Variants in AJAP1 observed in about 807,000 individuals in gnomAD.
The protein encoded by AJAP1 is adherens junction-associated protein 1.
In AJAP1, 5 loss-of-function variants were observed where a neutral mutation model predicts 35.0. That is an observed-to-expected ratio of 0.14 (90% CI 0.07 to 0.30). AJAP1 has a LOEUF of 0.30. Ranked by LOEUF, AJAP1 falls within the 10% of genes least tolerant of loss-of-function variation. The pLI is 1.00. For missense variants in AJAP1, 586 were observed against 571.0 expected (o/e 1.03, Z -0.27); for synonymous variants, 284 against 249.3 (o/e 1.14, Z -1.31).
chr1:4,657,940 A>G (rs1308550655), intron 1 of AJAP1, among the ~76,000 whole-genome samples: 1 of 151,864 alleles, frequency 6.6e-6, no homozygotes, highest in African/African-American at 2.4e-5. Context: ...CCATCAGCTG[A>G]GAGAGAGGGA....
intron 2 of AJAP1, among the ~76,000 whole-genome samples, chr1:4,746,443 G>A (rs1363608040): frequency 6.6e-6 from 1 of 152,056 alleles, no homozygotes; most frequent in Admixed American, 6.5e-5. Flanking sequence ...CGTTCAACCC[G>A]CATCGCCCAC....
chr1:4,712,225 A>C lies in AJAP1; in HGVS notation c.355A>C (p.Lys119Gln). Residue 119 changes from lysine (K) to glutamine (Q), a missense_variant, in exon 2 of 6, where the codon AAG becomes CAG. Physicochemically the swap from Lys to Gln is moderately conservative, Grantham distance 53 (BLOSUM62 1). Transcript: ENST00000378191. ...CCTCGTGCCCAAGGCAGGACTGGCC[A>C]AGCCCCCAGCTGCTGCCAAATCCAG... ...AALVPKAGLA[K>Q]PPAAAKSSPS... 1 of 1,544,356 alleles carries C rather than the reference A, an allele frequency of 6.5e-7. No homozygotes were observed. Among genetic ancestry groups the C allele is most frequent in the Non-Finnish European group, 8.7e-7 (1 of 1,153,682 alleles).
rs1267221236 is a variant in AJAP1, at chr1:4,782,173, C to T, written c.*60-372C>T. On this transcript the variant is annotated intron_variant, in intron 5 of 5. Coordinates refer to ENST00000378191, the MANE Select transcript of AJAP1 (RefSeq NM_018836.4). The surrounding 1 kb of genome is among the most constrained non-coding windows in gnomAD (Gnocchi z 5.3). ...AGAGAGTGAGAGCAGGGCTGCCACA[C>T]GCAGGCCCCCTGACATGCACGCCTG... Among the ~76,000 whole-genome samples the T allele has an allele frequency of 6.6e-6, 1 of 152,188 alleles. No homozygotes were observed. The highest frequency in any genetic ancestry group is 2.4e-5 in the African/African-American group (1 of 41,460).
At chr1:4,744,312 ACT>A (rs1423005228) in intron 2 of AJAP1, among the ~76,000 whole-genome samples, 1 of 151,166 alleles carries the variant, frequency 6.6e-6, no homozygotes, top group Non-Finnish European at 1.5e-5. Flanking sequence ...TTTTTAAAGG[ACT>A]CTCACGTATT....
chr1:4,669,815 A>G (rs1209288408), intron 1 of AJAP1, among the ~76,000 whole-genome samples: 1 of 152,084 alleles, frequency 6.6e-6, no homozygotes, highest in African/African-American at 2.4e-5. Flanking sequence ...CTGTCCATCC[A>G]CTGATGGACA....
intron 2 of AJAP1, among the ~76,000 whole-genome samples, chr1:4,728,317 C>T (rs924020149): frequency 4.0e-5 from 6 of 151,898 alleles, no homozygotes; most frequent in Non-Finnish European, 8.8e-5. Flanking sequence ...GGGGCCCTTC[C>T]GATGGCATGC....
intron 2 of AJAP1, among the ~76,000 whole-genome samples, chr1:4,749,565 C>A (rs1014123170): frequency 1.3e-5 from 2 of 152,196 alleles, no homozygotes; most frequent in Admixed American, 6.5e-5. Context: ...TGGGGAGGCA[C>A]ACTGTGGAGG....
intron 2 of AJAP1, among the ~76,000 whole-genome samples, chr1:4,718,693 G>T (rs1056216533): frequency 7.2e-5 from 11 of 152,116 alleles, no homozygotes; most frequent in Admixed American, 6.6e-5. Context: ...ATGTTGGCCA[G>T]GATGGTCTCG....
chr1:4,737,278 AGCCTG>A (rs1640947605), intron 2 of AJAP1, among the ~76,000 whole-genome samples: 1 of 152,010 alleles, frequency 6.6e-6, no homozygotes, highest in Non-Finnish European at 1.5e-5. Flanking sequence ...CCTGAGCCTG[AGCCTG>A]CCCCCTGGCT....
At chr1:4,681,333 C>T (rs377483269) in intron 1 of AJAP1, among the ~76,000 whole-genome samples, 10 of 152,308 alleles carry the variant, frequency 6.6e-5, no homozygotes, top group Non-Finnish European at 1.3e-4. Context: ...ACACTGTTGG[C>T]GTCCCCCTTC....
intron 1 of AJAP1, among the ~76,000 whole-genome samples, chr1:4,677,481 G>A (rs556449592): frequency 6.6e-6 from 1 of 152,148 alleles, no homozygotes; most frequent in Non-Finnish European, 1.5e-5. Context: ...CACAGGAGCT[G>A]GCCAGCGGCT....
At chr1:4,669,041 T>C (rs1639196305) in intron 1 of AJAP1, among the ~76,000 whole-genome samples, 1 of 152,232 alleles carries the variant, frequency 6.6e-6, no homozygotes, top group Non-Finnish European at 1.5e-5. Context: ...AACATTTTTT[T>C]AGCTTGCTTT....
chr1:4,765,443 A>T (rs930296270), intron 2 of AJAP1, among the ~76,000 whole-genome samples: 6 of 133,718 alleles, frequency 4.5e-5, no homozygotes, highest in African/African-American at 1.7e-4. Flanking sequence ...AGACTTGACC[A>T]GAGGGAATGT....
intron 1 of AJAP1, among the ~76,000 whole-genome samples, chr1:4,694,355 T>C (rs997608928): frequency 7.2e-5 from 11 of 152,202 alleles, no homozygotes; most frequent in Non-Finnish European, 1.5e-4. Context: ...GCAAGTATTA[T>C]TTTCTCTCTG....
At chr1:4,728,012 T>C (rs1229974188) in intron 2 of AJAP1, among the ~76,000 whole-genome samples, 1 of 152,212 alleles carries the variant, frequency 6.6e-6, no homozygotes. Context: ...CTCCGTTCCC[T>C]GTGGGACCTT....
intron 2 of AJAP1, among the ~76,000 whole-genome samples, chr1:4,757,437 A>G (rs1012905785): frequency 1.3e-5 from 2 of 152,170 alleles, no homozygotes; most frequent in Non-Finnish European, 2.9e-5. Flanking sequence ...TGTTCTCACT[A>G]TGATGGCAAA....
intron 5 of AJAP1, among the ~76,000 whole-genome samples, chr1:4,781,305 G>A (rs1642058569): frequency 6.6e-6 from 1 of 152,180 alleles, no homozygotes; most frequent in Admixed American, 6.5e-5. Context: ...GGGAAGAACT[G>A]GGGAATGGAC....
chr1:4,694,484 C>T (rs1076945), intron 1 of AJAP1, among the ~76,000 whole-genome samples: 55,085 of 152,128 alleles, frequency 0.36, 10,204 homozygotes, highest in East Asian at 0.47. Context: ...CTCCTTGGGA[C>T]GCCCTGGTCA....
intron 2 of AJAP1, among the ~76,000 whole-genome samples, chr1:4,743,426 G>A (rs1641115922): frequency 6.6e-6 from 1 of 152,156 alleles, no homozygotes; most frequent in Non-Finnish European, 1.5e-5. Flanking sequence ...AGGGGCTTAG[G>A]ATGGGTGGAG....
Sources: gnomAD v4.1 joint callset for allele counts (sites outside exome capture counted in the v4.1 genomes callset) on GRCh38, gnomAD v4.1.1 for gene constraint, Gnocchi (gnomAD v3.1) non-coding constraint, MANE v1.5 for transcripts, NCBI Gene and HGNC (gene_info 2026-07-23, HGNC 2026-07-21) for gene names.